SRP72: variants seen among roughly 807,000 people sequenced by gnomAD.
SRP72 encodes the protein signal recognition particle 72.
In SRP72, 49 loss-of-function variants were observed where a neutral mutation model predicts 96.3. The observed-to-expected ratio is 0.51, with a 90% CI of 0.40 to 0.65. The LOEUF (loss-of-function observed/expected upper bound fraction) is 0.65. SRP72 is among the 30% of genes least tolerant of loss of function. The pLI is 0.00. For missense variants in SRP72, 736 were observed against 793.3 expected (o/e 0.93, Z 0.87); for synonymous variants, 267 against 275.2 (o/e 0.97, Z 0.30).
chr4:56,491,678 T>C (rs1720913610), intron 16 of SRP72, 110 bp downstream of exon 16: 1 of 1,126,632 alleles, frequency 8.9e-7, no homozygotes, highest in Non-Finnish European at 1.2e-6. Flanking sequence ...TTCTCTTTGT[T>C]CCTTTTCCAT....
chr4:56,470,810 A>C (rs975676098), intron 2 of SRP72, among the ~76,000 whole-genome samples: 1 of 151,602 alleles, frequency 6.6e-6, no homozygotes, highest in African/African-American at 2.4e-5. Flanking sequence ...ACATTTTGTC[A>C]ATGAGTCTTG....
chr4:56,482,816 G>T (rs1720555549), intron 8 of SRP72, among the ~76,000 whole-genome samples: 1 of 152,086 alleles, frequency 6.6e-6, no homozygotes, highest in South Asian at 2.1e-4. Context: ...AACAAATCTT[G>T]TTCTCCATTT....
intron 1 of SRP72, among the ~76,000 whole-genome samples, chr4:56,469,098 T>C (rs541725190): frequency 2.0e-5 from 3 of 152,260 alleles, no homozygotes; most frequent in East Asian, 1.9e-4. Context: ...TATTATACTT[T>C]ATAAGATTTT....
At position 56,474,315 on chromosome 4, in the gene SRP72, G is replaced by T. The variant is rs745899769; in HGVS notation, c.534G>T (p.Leu178=). 4 of 1,614,162 alleles carry T rather than the reference G, an allele frequency of 2.5e-6. No homozygotes were observed. Among genetic ancestry groups the T allele is most frequent in the Non-Finnish European group, 3.4e-6 (4 of 1,180,028 alleles). Reference sequence around the variant, plus strand: ...GCCTCCAAGAAGGCACACATGAGCTGTGCTACAACACTGCATGTGCACTGA... The same window carrying T: ...GCCTCCAAGAAGGCACACATGAGCTTTGCTACAACACTGCATGTGCACTGA... The part of the protein sequence containing the change: ...NLGLQEGTHE[L]CYNTACALIG... The change falls in exon 5 of 19, where the codon CTG becomes CTT. Residue 178 remains leucine (L), a synonymous_variant. Transcript: ENST00000642900.
intron 1 of SRP72, 84 bp downstream of exon 1, chr4:56,467,828 G>C (rs1719795925): frequency 7.8e-7 from 1 of 1,275,398 alleles, no homozygotes; most frequent in African/African-American, 1.6e-5. Flanking sequence ...CACCTCGCGC[G>C]GGAGGCACGG....
At position 56,502,495 on chromosome 4, in the gene SRP72, ACATATATAT is replaced by A. The variant is rs901268006; in HGVS notation, c.*635_*643del. 1 of 100,468 alleles carries A rather than the reference ACATATATAT, an allele frequency of 1.0e-5. No individual in the cohort carries two copies. Among genetic ancestry groups the A allele is most frequent in the African/African-American group, 4.5e-5 (1 of 22,048 alleles). 6.2% of individuals were successfully genotyped at this position (100,468 alleles called of 1,614,324 possible). Reference sequence around the variant, plus strand: ...TATATATATATATGTATATATATATACATATATATATATATATAAACATGAAATATATAT... The same window carrying A: ...TATATATATATATGTATATATATATAATATATATAAACATGAAATATATAT... On this transcript the variant is annotated 3_prime_UTR_variant, in exon 19 of 19. Coordinates refer to ENST00000642900, the MANE Select transcript of SRP72 (RefSeq NM_006947.4).
chr4:56,481,433 G>A, intron 8 of SRP72, among the ~76,000 whole-genome samples: 1 of 152,156 alleles, frequency 6.6e-6, no homozygotes, highest in Non-Finnish European at 1.5e-5. Flanking sequence ...GGAGATGTAT[G>A]TGACTTTCAA....
intron 17 of SRP72, among the ~76,000 whole-genome samples, chr4:56,497,119 T>C (rs1053928322): frequency 6.6e-6 from 1 of 152,138 alleles, no homozygotes; most frequent in Non-Finnish European, 1.5e-5. Flanking sequence ...CATAATATAA[T>C]TTGTTTGTTT....
At chr4:56,487,858 G>A in intron 11 of SRP72, 91 bp from the exon 12 acceptor site, 1 of 950,568 alleles carries the variant, frequency 1.1e-6, no homozygotes, top group East Asian at 2.7e-5. Context: ...CTTTCCTAAG[G>A]AAAAGTAGTG....
rs937644355 is a variant in SRP72, at chr4:56,502,463, G to GTT, written c.*604_*605dup. 7 of 122,054 alleles carry GTT rather than the reference G, an allele frequency of 5.7e-5. No individual in the cohort carries two copies. Among genetic ancestry groups the GTT allele is most frequent in the South Asian group, 2.5e-4 (1 of 3,992 alleles). The allele number at this position is 122,054 out of a possible 1,614,324, so 7.6% of individuals were successfully genotyped here. ...TACTGGAATATGGGATACTTTTCAT[G>GTT]TTTATATATATATATATATGTATAT... On this transcript the variant is annotated 3_prime_UTR_variant, in exon 19 of 19. Coordinates refer to ENST00000642900, the MANE Select transcript of SRP72 (RefSeq NM_006947.4).
chr4:56,473,318 G>A (rs957374204), intron 3 of SRP72, among the ~76,000 whole-genome samples: 4 of 152,044 alleles, frequency 2.6e-5, no homozygotes, highest in African/African-American at 7.2e-5. Context: ...AAATTAGCCA[G>A]GTGTGGTGGC....
Position 56,474,172 on chromosome 4 carries a change from A to G in SRP72, c.473A>G (p.Gln158Arg), listed in dbSNP as rs1720106956. ...KTNLSAVVAA[Q>R]SNWEKVVPEN... ...AACCTTTCAGCAGTTGTTGCAGCTC[A>G]AAGCAATTGGGAAAAAGTGGTTCCA... The change falls in exon 4 of 19, where the codon CAA becomes CGA. Residue 158 changes from glutamine (Q) to arginine (R), a missense_variant. By Grantham distance (43) the Gln-to-Arg change is conservative. Coordinates refer to ENST00000642900, the MANE Select transcript of SRP72 (RefSeq NM_006947.4). 7 of 1,614,248 alleles carry G rather than the reference A, an allele frequency of 4.3e-6. No homozygotes were observed. The highest frequency in any genetic ancestry group is 5.9e-6 in the Non-Finnish European group (7 of 1,180,056).
intron 17 of SRP72, among the ~76,000 whole-genome samples, chr4:56,496,556 A>C (rs900372832): frequency 2.0e-5 from 3 of 152,212 alleles, no homozygotes; most frequent in Non-Finnish European, 4.4e-5. Flanking sequence ...CTAAAATTTT[A>C]CTTTCTTTTC....
chr4:56,476,701 CTG>C lies in SRP72; in HGVS notation c.642+1_642+2del. The C allele has an allele frequency of 6.2e-7, 1 of 1,612,630 alleles. No individual in the cohort carries two copies. The highest frequency in any genetic ancestry group is 8.5e-7 in the Non-Finnish European group (1 of 1,179,698). ...TGCCGCCGTTCATTATCAGAAGACACTGTAAGTATTCCATCATTGTTAAACCT... is the reference window on the plus strand; with the variant it reads ...TGCCGCCGTTCATTATCAGAAGACACTAAGTATTCCATCATTGTTAAACCT... On this transcript the variant is annotated splice_donor_variant and coding_sequence_variant, in exon 6 of 19. Transcript: ENST00000642900. LOFTEE classifies it high-confidence loss of function.
intron 5 of SRP72, 110 bp from the exon 6 acceptor site, chr4:56,476,561 C>T (rs1486802994): frequency 1.7e-5 from 19 of 1,141,590 alleles, no homozygotes; most frequent in South Asian, 3.9e-5. Context: ...CTTGTTACTA[C>T]GATTATCTTG....
At chr4:56,479,824 G>A (rs1390093387) in intron 8 of SRP72, among the ~76,000 whole-genome samples, 4 of 152,034 alleles carry the variant, frequency 2.6e-5, no homozygotes, top group Admixed American at 6.5e-5. Flanking sequence ...CAAGTCAGTG[G>A]AAAGTAAGAA....
chr4:56,471,293 A>G (rs189136367), intron 2 of SRP72, among the ~76,000 whole-genome samples: 25 of 152,288 alleles, frequency 1.6e-4, no homozygotes, highest in Admixed American at 1.2e-3. Context: ...TAAGATTTCT[A>G]GTTACTGTTT....
intron 17 of SRP72, among the ~76,000 whole-genome samples, chr4:56,498,500 A>G (rs984370403): frequency 2.4e-4 from 36 of 152,230 alleles, no homozygotes; most frequent in African/African-American, 8.4e-4. Context: ...TGCAGATGAC[A>G]TGATTGTATA....
At chr4:56,495,290 G>A in intron 16 of SRP72, 67 bp from the exon 17 acceptor site, 1 of 1,101,336 alleles carries the variant, frequency 9.1e-7, no homozygotes, top group Non-Finnish European at 1.3e-6. Context: ...CTCTTATAGA[G>A]CACTTACTTA....
Sources: allele counts gnomAD v4.1 joint callset (sites outside exome capture counted in the v4.1 genomes callset), GRCh38; gene constraint gnomAD v4.1.1; transcripts MANE v1.5; gene names NCBI Gene and HGNC (gene_info 2026-07-23, HGNC 2026-07-21).